Variants in SEMA6B observed in about 807,000 individuals in gnomAD.
The protein encoded by SEMA6B is semaphorin 6B, also known as semaphorin-6B.
SEMA6B carries 47 observed loss-of-function variants against 78.6 expected under a neutral mutation model. That is an observed-to-expected ratio of 0.60 (90% CI 0.47 to 0.76). SEMA6B has a LOEUF of 0.76. Among genes scored for constraint, SEMA6B ranks in the 30% least tolerant of loss-of-function variants. The pLI, the probability that SEMA6B is intolerant of heterozygous loss-of-function variation, is 0.00. For synonymous variants in SEMA6B, 632 were observed against 592.2 expected (o/e 1.07, Z -0.98); for missense variants, 1,213 against 1,269.9 (o/e 0.96, Z 0.68).
chr19:4,554,968 G>C lies in SEMA6B; in HGVS notation c.682+8C>G. 1 of 1,613,302 alleles carries C rather than the reference G, an allele frequency of 6.2e-7. No homozygotes were observed. On this transcript the variant is annotated splice_region_variant and intron_variant, in intron 8 of 16. Coordinates refer to ENST00000586582, the MANE Select transcript of SEMA6B (RefSeq NM_032108.4). ...CAGGTCTGGGCCCACTGCCCTTCCT[G>C]GTCTCACCTTTGAACCACTTGGAGT...
In SEMA6B at chr19:4,555,559, G is replaced by A. The variant is rs775929848; in HGVS notation, c.477C>T (p.Asp159=). 1 of 1,613,272 alleles carries A rather than the reference G, an allele frequency of 6.2e-7. No individual in the cohort carries two copies. The highest frequency in any genetic ancestry group is 1.7e-5 in the Admixed American group (1 of 59,932). ...FNPVCANYSI[D]TLQPVGDNIS... ...TGTTGTCTCCGACGGGCTGCAGGGT[G>A]TCTATCTGCAGGGACCATGGGGCCT... The change falls in exon 7 of 17, where the codon GAC becomes GAT. Residue 159 remains aspartate (D), a synonymous_variant. Coordinates refer to ENST00000586582, the MANE Select transcript of SEMA6B (RefSeq NM_032108.4). This position sits in a 1 kb window ranked among gnomAD's most constrained non-coding sequence, Gnocchi z 6.1.
Position 4,555,866 on chromosome 19 carries a change from G to C in SEMA6B, c.471+122C>G. The C allele has an allele frequency of 8.7e-6, 7 of 805,428 alleles. No individual in the cohort carries two copies. The highest frequency in any genetic ancestry group is 1.5e-5 in the South Asian group (1 of 68,350). 49.9% of individuals were successfully genotyped at this position (805,428 alleles called of 1,614,324 possible). On this transcript the variant is annotated intron_variant, in intron 6 of 16. Coordinates refer to ENST00000586582, the MANE Select transcript of SEMA6B (RefSeq NM_032108.4). The surrounding 1 kb of genome is among the most constrained non-coding windows in gnomAD (Gnocchi z 6.1). ...AGCTCAGGGGGAGGAGGCAGGGAGA[G>C]TATATCCAGGAAGGCTTCCTGGAGG...
At position 4,544,273 on chromosome 19, in the gene SEMA6B, C is replaced by A. The variant is rs1460770612; in HGVS notation, c.1995G>T (p.Arg665=). 3 of 1,311,510 alleles carry A rather than the reference C, an allele frequency of 2.3e-6. No individual in the cohort carries two copies. Among genetic ancestry groups the A allele is most frequent in the Non-Finnish European group, 2.9e-6 (3 of 1,035,076 alleles). The allele number at this position is 1,311,510 out of a possible 1,614,324, so 81.2% of individuals were successfully genotyped here. A position where few individuals can be genotyped will look rare whatever the true frequency, so the allele number is the denominator to read the frequency against. The change falls in exon 17 of 17, where the codon CGG becomes CGT. Residue 665 remains arginine (R), a synonymous_variant. Transcript: ENST00000586582. The surrounding 1 kb of genome is among the most constrained non-coding windows in gnomAD (Gnocchi z 5.1). ...CGGCGCCACCGCCACCGCCTCCGCC[C>A]CGGCCCCCGGGACCCTGCGCCCTGC... ...GERRAQGPGG[R]GGGGGGGAGV...
chr19:4,557,019 G>C lies in SEMA6B; in HGVS notation c.307-6C>G. The C allele has an allele frequency of 6.2e-7, 1 of 1,612,442 alleles. No individual in the cohort carries two copies. The highest frequency in any genetic ancestry group is 8.5e-7 in the Non-Finnish European group (1 of 1,179,204). On this transcript the variant is annotated splice_polypyrimidine_tract_variant and splice_region_variant and intron_variant, in intron 4 of 16. Transcript: ENST00000586582. ...TTAGATCTCCAGGTCAGCTTCTGCA[G>C]ACAGAGAGAGCTGGTGAGGGGGTAA...
Position 4,543,957 on chromosome 19 carries a change from C to T in SEMA6B, c.2311G>A (p.Asp771Asn), listed in dbSNP as rs1977092300. Residue 771 changes from aspartate to asparagine, a missense_variant, in exon 17 of 17, where the codon GAC (aspartate) becomes AAC (asparagine). Coordinates refer to ENST00000586582, the MANE Select transcript of SEMA6B (RefSeq NM_032108.4). ...GGCCGGGCAGCATAGAGGCGGCCGT[C>T]GGGGGTCGGCTCCCCAGGCGCGGGG... Reference protein sequence around the residue: ...QPPAPGEPTPDGRLYAARPGR... With the variant: ...QPPAPGEPTPNGRLYAARPGR... 11 of 1,201,656 alleles carry T rather than the reference C, an allele frequency of 9.2e-6. No homozygotes were observed. Among genetic ancestry groups the T allele is most frequent in the African/African-American group, 1.6e-5 (1 of 62,848 alleles). 74.4% of individuals were successfully genotyped at this position (1,201,656 alleles called of 1,614,324 possible). A position where few individuals can be genotyped will look rare whatever the true frequency, so the allele number is the denominator to read the frequency against.
chr19:4,559,520 C>G lies in SEMA6B; in HGVS notation c.-33+10G>C, dbSNP rs1977561116. On this transcript the variant is annotated intron_variant, in intron 1 of 16. Coordinates refer to ENST00000586582, the MANE Select transcript of SEMA6B (RefSeq NM_032108.4). ...CCATGCTGAAGGTCCCAGTTCAGAG[C>G]ACCCCCTACCAGAAAGGGGTACAGT... 1 of 152,182 alleles carries G rather than the reference C, an allele frequency of 6.6e-6. No homozygotes were observed. The highest frequency in any genetic ancestry group is 1.5e-5 in the Non-Finnish European group (1 of 68,054). 9.4% of individuals were successfully genotyped at this position (152,182 alleles called of 1,614,324 possible).
chr19:4,542,786 C>A lies in SEMA6B; in HGVS notation c.*815G>T. 2.9e-6 allele frequency: 2 copies of A among 699,102 alleles called. No homozygotes were observed. 43.3% of individuals were successfully genotyped at this position (699,102 alleles called of 1,614,324 possible). ...TTTACAGAGGGGCCCCACCCACCTT[C>A]GCCGCCCCCCAGGCCCCCAAGCCCT... On this transcript the variant is annotated 3_prime_UTR_variant, in exon 17 of 17. Coordinates refer to ENST00000586582, the MANE Select transcript of SEMA6B (RefSeq NM_032108.4).
In SEMA6B at chr19:4,544,066, G is replaced by C; in HGVS notation, c.2202C>G (p.Ala734=). 1 of 1,232,944 alleles carries C rather than the reference G, an allele frequency of 8.1e-7. No homozygotes were observed. 76.4% of individuals were successfully genotyped at this position (1,232,944 alleles called of 1,614,324 possible). ...HPHPHALGPR[A]WDHGHPLLPA... is the part of the protein sequence containing the mutation. ...GGAGCAGGGGGTGGCCGTGGTCCCA[G>C]GCGCGGGGGCCCAGGGCGTGGGGGT... is the stretch of plus-strand genomic sequence containing the variant. Residue 734 remains alanine, a synonymous_variant, in exon 17 of 17, where the codon GCC becomes GCG. Transcript: ENST00000586582. This position sits in a 1 kb window ranked among gnomAD's most constrained non-coding sequence, Gnocchi z 5.1.
In SEMA6B at chr19:4,555,036, G is replaced by A. The variant is rs1446125030; in HGVS notation, c.622C>T (p.Arg208Cys). 3.1e-6 allele frequency: 5 copies of A among 1,613,910 alleles called. No individual in the cohort carries two copies. The highest frequency in any genetic ancestry group is 4.2e-6 in the Non-Finnish European group (5 of 1,179,994). The change falls in exon 8 of 17, where the codon CGC (arginine) becomes TGC (cysteine). Residue 208 changes from arginine (R) to cysteine (C), a missense_variant. Physicochemically the swap from Arg to Cys is radical, Grantham distance 180. Coordinates refer to ENST00000586582, the MANE Select transcript of SEMA6B (RefSeq NM_032108.4). This position sits in a 1 kb window ranked among gnomAD's most constrained non-coding sequence, Gnocchi z 6.1. The part of the protein sequence containing the change: ...DFLAIDAVIY[R>C]SLGDRPTLRT... ...AGGGTGGGCCTGTCCCCGAGGCTGC[G>A]GTAGATGACAGCATCAATGGCTAGG...
Position 4,550,561 on chromosome 19 carries a change from G to A in SEMA6B, c.1121+238C>T, listed in dbSNP as rs552534962. Among the ~76,000 whole-genome samples the A allele has an allele frequency of 2.2e-4, 33 of 152,070 alleles. No individual in the cohort carries two copies. Among genetic ancestry groups the A allele is most frequent in the Admixed American group, 1.4e-3 (21 of 15,276 alleles). On this transcript the variant is annotated intron_variant, in intron 11 of 16. Coordinates refer to ENST00000586582, the MANE Select transcript of SEMA6B (RefSeq NM_032108.4). This position sits in a 1 kb window ranked among gnomAD's most constrained non-coding sequence, Gnocchi z 6.6. ...GTATTTTTAGTAGAGACAGGGTTTC[G>A]CCATGTTGGTCGGGCTGGTCTCAAA...
In SEMA6B at chr19:4,555,557, G is replaced by T. The variant is rs573017037; in HGVS notation, c.479C>A (p.Thr160Asn). ...GATGTTGTCTCCGACGGGCTGCAGGGTGTCTATCTGCAGGGACCATGGGGC... is the reference window on the plus strand; with the variant it reads ...GATGTTGTCTCCGACGGGCTGCAGGTTGTCTATCTGCAGGGACCATGGGGC... ...NPVCANYSID[T>N]LQPVGDNISG... Residue 160 changes from threonine to asparagine, a missense_variant, in exon 7 of 17, where the codon ACC (threonine) becomes AAC (asparagine). Transcript: ENST00000586582. This position sits in a 1 kb window ranked among gnomAD's most constrained non-coding sequence, Gnocchi z 6.1. The T allele has an allele frequency of 5.0e-6, 8 of 1,612,898 alleles. No homozygotes were observed. Among genetic ancestry groups the T allele is most frequent in the Middle Eastern group, 3.4e-4 (2 of 5,876 alleles).
At chr19:4,549,388 G>A (rs1450185155) in intron 12 of SEMA6B, among the ~76,000 whole-genome samples, 4 of 137,960 alleles carry the variant, frequency 2.9e-5, no homozygotes, top group Admixed American at 1.7e-4. Context: ...TGCAACCTCC[G>A]CCTCCCGGGT....
chr19:4,546,555 C>A, intron 14 of SEMA6B, 86 bp from the exon 15 acceptor site: 1 of 647,652 alleles, frequency 1.5e-6, no homozygotes, highest in Non-Finnish European at 2.3e-6. Context: ...GGCCCTGTTC[C>A]AAGCACCTGC....
intron 3 of SEMA6B, 152 bp downstream of exon 3, chr19:4,557,874 C>G: frequency 1.5e-6 from 1 of 661,258 alleles, no homozygotes; most frequent in Non-Finnish European, 2.2e-6. Context: ...TCCGTGGCTC[C>G]CACCTTCCTC....
At chr19:4,554,880 A>G (rs974184984) in intron 8 of SEMA6B, 96 bp downstream of exon 8, 1 of 1,423,268 alleles carries the variant, frequency 7.0e-7, no homozygotes, top group Non-Finnish European at 9.6e-7. Flanking sequence ...TCTCTCCACC[A>G]AGCTCCTCTG....
rs932717434 is a variant in SEMA6B at position 4,544,629 on chromosome 19, A to AT, written c.1739-101dup. ...CTCTGTCCTCTTTTTTATTATTTTT[A>AT]TTTTTTTTTATTTATTTATTTTTTG... On this transcript the variant is annotated intron_variant, in intron 16 of 16. Coordinates refer to ENST00000586582, the MANE Select transcript of SEMA6B (RefSeq NM_032108.4). This position sits in a 1 kb window ranked among gnomAD's most constrained non-coding sequence, Gnocchi z 5.1. 288 of 606,776 alleles carry AT rather than the reference A, an allele frequency of 4.7e-4. No individual in the cohort carries two copies. The highest frequency in any genetic ancestry group is 8.8e-4 in the African/African-American group (46 of 51,988). 37.6% of individuals were successfully genotyped at this position (606,776 alleles called of 1,614,324 possible). A position where few individuals can be genotyped will look rare whatever the true frequency, so the allele number is the denominator to read the frequency against.
intron 1 of SEMA6B, 133 bp downstream of exon 1, chr19:4,559,397 A>G (rs1242649565): frequency 2.0e-5 from 3 of 151,958 alleles, no homozygotes; most frequent in African/African-American, 4.8e-5. Flanking sequence ...CTCCCATTCA[A>G]GGTAACTTTG....
rs1298993659 is a variant in SEMA6B, at chr19:4,548,103, C to A, written c.1525G>T (p.Gly509Cys). 2 of 1,591,348 alleles carry A rather than the reference C, an allele frequency of 1.3e-6. No individual in the cohort carries two copies. Among genetic ancestry groups the A allele is most frequent in the South Asian group, 1.1e-5 (1 of 89,848 alleles). The change falls in exon 14 of 17, where the codon GGC becomes TGC. Residue 509 changes from glycine (G) to cysteine (C), a missense_variant. By Grantham distance (159) the Gly-to-Cys change is radical (BLOSUM62 -3). Coordinates refer to ENST00000586582, the MANE Select transcript of SEMA6B (RefSeq NM_032108.4). ...LSLELDAASG[G>C]LLAAFPRCVV... is the part of the protein sequence containing the mutation. ...CAGCGGGGGAAGGCAGCCAGCAGGCCCCCCGAAGCTGCGTCCAGCTCCAAG... is the reference window on the plus strand; with the variant it reads ...CAGCGGGGGAAGGCAGCCAGCAGGCACCCCGAAGCTGCGTCCAGCTCCAAG...
chr19:4,557,500 C>T (rs1438101330), intron 3 of SEMA6B, among the ~76,000 whole-genome samples: 6 of 152,198 alleles, frequency 3.9e-5, no homozygotes, highest in Non-Finnish European at 8.8e-5. Context: ...CCCAGGCGCC[C>T]ACCAGGCTCT....
Sources: allele counts gnomAD v4.1 joint callset (sites outside exome capture counted in the v4.1 genomes callset), GRCh38; gene constraint gnomAD v4.1.1; non-coding constraint Gnocchi (gnomAD v3.1); transcripts MANE v1.5; gene names NCBI Gene and HGNC (gene_info 2026-07-23, HGNC 2026-07-21).